ZSCAN4: variants seen among roughly 807,000 people sequenced by gnomAD.
ZSCAN4 encodes the protein zinc finger and SCAN domain containing 4, also known as zinc finger and SCAN domain-containing protein 4.
A neutral mutation model predicts 18.3 loss-of-function variants in ZSCAN4; 18 were observed. The ratio of observed to expected loss-of-function variants is 0.98; its 90% CI spans 0.68 to 1.46. The LOEUF is 1.46. Ranked by LOEUF, ZSCAN4 falls within the 40% of genes most tolerant of loss-of-function variation. The probability of loss-of-function intolerance (pLI) is 0.00; values close to 1 mark genes in which losing one functional copy is unlikely to be tolerated. For synonymous variants in ZSCAN4, 193 were observed against 180.3 expected (o/e 1.07, Z -0.57); for missense variants, 498 against 511.4 (o/e 0.97, Z 0.25).
upstream of ZSCAN4, among the ~76,000 whole-genome samples, chr19:57,667,011 A>T (rs1983872970): frequency 6.6e-6 from 1 of 152,178 alleles, no homozygotes; most frequent in Non-Finnish European, 1.5e-5. Flanking sequence ...TGGAGCGGGG[A>T]TACTCACCAG....
chr19:57,665,849 T>C (rs1398899427), upstream of ZSCAN4, among the ~76,000 whole-genome samples: 1 of 151,820 alleles, frequency 6.6e-6, no homozygotes, highest in East Asian at 1.9e-4. Flanking sequence ...GAGGTGGAGG[T>C]TGTGGTAAAC....
At chr19:57,668,718 A>G (rs187736230), upstream of ZSCAN4, among the ~76,000 whole-genome samples, 2 of 152,276 alleles carry the variant, frequency 1.3e-5, no homozygotes, top group Non-Finnish European at 2.9e-5. Flanking sequence ...TAACTCCTCC[A>G]TCTCTCTCAA....
upstream of ZSCAN4, chr19:57,665,068 T>G (rs1450438184): frequency 6.4e-6 from 1 of 155,564 alleles, no homozygotes; most frequent in African/African-American, 2.4e-5. Context: ...CTCTCCCCAC[T>G]AAGAAGGCCA....
At chr19:57,674,921 G>A (rs1984130022) in intron 2 of ZSCAN4, among the ~76,000 whole-genome samples, 1 of 145,610 alleles carries the variant, frequency 6.9e-6, no homozygotes, top group Non-Finnish European at 1.5e-5. Flanking sequence ...AATAAATTTT[G>A]TTGTAACTAC....
the ZSCAN4 span, among the ~76,000 whole-genome samples, chr19:57,660,173 T>C: frequency 6.6e-6 from 1 of 152,226 alleles, no homozygotes; most frequent in South Asian, 2.1e-4. Context: ...GGTCCTTAGA[T>C]GGAAACTATC....
the ZSCAN4 span, among the ~76,000 whole-genome samples, chr19:57,652,610 C>G: frequency 5.3e-5 from 8 of 152,088 alleles, no homozygotes; most frequent in Non-Finnish European, 4.4e-5. Context: ...TCTGGCTCCT[C>G]CACCCCCTTA....
intron 2 of ZSCAN4, among the ~76,000 whole-genome samples, chr19:57,674,779 T>C (rs1326405055): frequency 6.6e-6 from 1 of 152,168 alleles, no homozygotes; most frequent in East Asian, 1.9e-4. Context: ...CCCACCAAAT[T>C]TATTGAATAC....
At chr19:57,661,629 TA>T in the ZSCAN4 span, among the ~76,000 whole-genome samples, 11 of 152,236 alleles carry the variant, frequency 7.2e-5, no homozygotes, top group Admixed American at 5.9e-4. Flanking sequence ...TTTTTATTTT[TA>T]TAAAGCCTAA....
intron 2 of ZSCAN4, among the ~76,000 whole-genome samples, chr19:57,675,141 CTTTTTTTTTTTTTT>C (rs1171741360): frequency 1.3e-5 from 1 of 78,074 alleles, no homozygotes; most frequent in African/African-American, 5.9e-5. Flanking sequence ...GTGCGTGTGG[CTTTTTTTTTTTTTT>C]TTTTTTTTTT....
upstream of ZSCAN4, among the ~76,000 whole-genome samples, chr19:57,666,999 A>C (rs1476438805): frequency 6.6e-6 from 1 of 152,222 alleles, no homozygotes; most frequent in East Asian, 1.9e-4. Flanking sequence ...CCTCACTCAC[A>C]CTGGAGCGGG....
the ZSCAN4 span, among the ~76,000 whole-genome samples, chr19:57,652,371 C>G: frequency 0.99 from 150,695 of 152,316 alleles, 74,565 homozygotes; most frequent in East Asian, 1. Context: ...AATGGTAAAT[C>G]GTCCGGGGTG....
chr19:57,658,632 A>G, the ZSCAN4 span, among the ~76,000 whole-genome samples: 1 of 152,052 alleles, frequency 6.6e-6, no homozygotes, highest in South Asian at 2.1e-4. Flanking sequence ...TCAGGAGTTC[A>G]AGACTAGCTT....
At chr19:57,673,876 C>T (rs1447462145) in intron 2 of ZSCAN4, among the ~76,000 whole-genome samples, 1 of 152,120 alleles carries the variant, frequency 6.6e-6, no homozygotes, top group Non-Finnish European at 1.5e-5. Context: ...TGCTCAGCCT[C>T]CCGAGTAGCT....
At chr19:57,662,531 T>C in the ZSCAN4 span, among the ~76,000 whole-genome samples, 1 of 152,164 alleles carries the variant, frequency 6.6e-6, no homozygotes, top group Admixed American at 6.5e-5. Context: ...TATACAAATA[T>C]TTTTACCGCT....
At chr19:57,662,006 G>A in the ZSCAN4 span, among the ~76,000 whole-genome samples, 1 of 151,450 alleles carries the variant, frequency 6.6e-6, no homozygotes, top group African/African-American at 2.4e-5. Flanking sequence ...ACTTGAACCT[G>A]GAAGGCAGAG....
chr19:57,674,405 T>C (rs771771556), intron 2 of ZSCAN4, among the ~76,000 whole-genome samples: 6 of 152,246 alleles, frequency 3.9e-5, no homozygotes, highest in Non-Finnish European at 8.8e-5. Flanking sequence ...CTTCTACTTA[T>C]AAGTGAGAAC....
the ZSCAN4 span, among the ~76,000 whole-genome samples, chr19:57,662,463 A>G: frequency 6.6e-6 from 1 of 152,108 alleles, no homozygotes. Context: ...ATTTTATTAA[A>G]AATTGCCTTT....
rs770284496 is a variant in ZSCAN4 at position 57,673,464 on chromosome 19, C to T, written c.-105-2577C>T. On this transcript the variant is annotated intron_variant, in intron 2 of 4. Transcript: ENST00000318203. ...TGGACAAAATAGCGAGACCAAGTCTCGAAAAGAAAATTTTTAAAAAATTAG... is the reference window on the plus strand; with the variant it reads ...TGGACAAAATAGCGAGACCAAGTCTTGAAAAGAAAATTTTTAAAAAATTAG... Among the ~76,000 whole-genome samples, 5 of 152,082 alleles carry T rather than the reference C, an allele frequency of 3.3e-5. 1 individual carries two copies. The highest frequency in any genetic ancestry group is 2.1e-4 in the South Asian group (1 of 4,810).
At chr19:57,654,215 T>A in the ZSCAN4 span, among the ~76,000 whole-genome samples, 23 of 152,160 alleles carry the variant, frequency 1.5e-4, no homozygotes, top group Non-Finnish European at 3.4e-4. Flanking sequence ...TTCCTGGTCA[T>A]CCCTCAATGT....
Sources: gnomAD v4.1 joint callset for allele counts (sites outside exome capture counted in the v4.1 genomes callset) on GRCh38, gnomAD v4.1.1 for gene constraint, MANE v1.5 for transcripts, NCBI Gene and HGNC (gene_info 2026-07-23, HGNC 2026-07-21) for gene names.